NAV3: variants seen among roughly 807,000 people sequenced by gnomAD.
NAV3 encodes the protein pore membrane and/or filament interacting like protein 1.
In NAV3, 87 loss-of-function variants were observed where a neutral mutation model predicts 244.7. The observed-to-expected ratio is 0.36, with a 90% CI of 0.30 to 0.42. The LOEUF (loss-of-function observed/expected upper bound fraction) is 0.42. Among genes scored for constraint, NAV3 ranks in the 20% least tolerant of loss-of-function variants. The probability of loss-of-function intolerance (pLI) is 1.00; values close to 1 mark genes in which losing one functional copy is unlikely to be tolerated. For synonymous variants in NAV3, 1,126 were observed against 1,042.2 expected, an observed-to-expected ratio of 1.08 and a Z score of -1.55; for missense variants, 2,663 against 2,893.3, an observed-to-expected ratio of 0.92 and a Z score of 1.83.
chr12:78,155,255 T>C (rs943003358), intron 22 of NAV3, among the ~76,000 whole-genome samples: 1 of 152,122 alleles, frequency 6.6e-6, no homozygotes, highest in Admixed American at 6.6e-5. Context: ...CTCCCACTTA[T>C]AAGTGAGAAG....
intron 2 of NAV3, among the ~76,000 whole-genome samples, chr12:77,573,505 T>C (rs933712377): frequency 6.6e-6 from 1 of 152,224 alleles, no homozygotes; most frequent in Non-Finnish European, 1.5e-5. Flanking sequence ...TATAAATTTC[T>C]ACACAAATAC....
At chr12:77,805,957 G>A (rs1871957199) in intron 2 of NAV3, among the ~76,000 whole-genome samples, 1 of 152,112 alleles carries the variant, frequency 6.6e-6, no homozygotes, top group Non-Finnish European at 1.5e-5. Context: ...TTTGTGTAGA[G>A]GTTTTTATTG....
chr12:77,764,827 C>T (rs1869658044), intron 2 of NAV3, among the ~76,000 whole-genome samples: 1 of 152,156 alleles, frequency 6.6e-6, no homozygotes, highest in African/African-American at 2.4e-5. Flanking sequence ...GTGACATTTG[C>T]GACAGCAAGT....
intron 5 of NAV3, among the ~76,000 whole-genome samples, chr12:77,973,625 G>C (rs1313098043): frequency 6.6e-6 from 1 of 152,092 alleles, no homozygotes; most frequent in African/African-American, 2.4e-5. Context: ...TTACCATAGA[G>C]GACATTTGCC....
rs145541598 is a variant in NAV3 at position 78,177,648 on chromosome 12, C to T, written c.5326C>T (p.Arg1776Ter). ...ASPLVWPPKK[R>*]QNGPVIYKHR... ...ACCCCTTGTCTGGCCACCAAAGAAA[C>T]GACAAAATGGCCCTGTGATCTACAA... Residue 1776 changes from arginine (R) to a stop codon, truncating the protein, a stop_gained, in exon 28 of 40, where the codon CGA becomes TGA. Coordinates refer to ENST00000397909, the MANE Select transcript of NAV3 (RefSeq NM_001024383.2). LOFTEE classifies it high-confidence loss of function. 46 of 1,597,274 alleles carry T rather than the reference C, an allele frequency of 2.9e-5. No homozygotes were observed. The East Asian group carries it at 2.9e-4, about 10-fold the overall frequency.
At chr12:78,166,400 A>G (rs1475483910) in intron 23 of NAV3, among the ~76,000 whole-genome samples, 3 of 149,882 alleles carry the variant, frequency 2.0e-5, no homozygotes, top group African/African-American at 4.9e-5. Context: ...GATTATGTCA[A>G]TCAATGTAGA....
chr12:77,896,848 A>T (rs1474335103), intron 1 of NAV3, among the ~76,000 whole-genome samples: 1 of 152,170 alleles, frequency 6.6e-6, no homozygotes, highest in Non-Finnish European at 1.5e-5. Context: ...TGCTTTTTCC[A>T]TGTAGACTTT....
chr12:78,075,801 A>G (rs1953018315), intron 12 of NAV3, among the ~76,000 whole-genome samples: 1 of 152,192 alleles, frequency 6.6e-6, no homozygotes, highest in Non-Finnish European at 1.5e-5. Context: ...CCATTGATCT[A>G]TTAATTATTT....
At chr12:77,585,700 G>T (rs1413403465) in intron 2 of NAV3, among the ~76,000 whole-genome samples, 1 of 152,232 alleles carries the variant, frequency 6.6e-6, no homozygotes, top group African/African-American at 2.4e-5. Context: ...AGGTGATCGG[G>T]CAGTAATGCT....
intron 1 of NAV3, among the ~76,000 whole-genome samples, chr12:77,905,109 T>G (rs1885824493): frequency 6.6e-6 from 1 of 152,150 alleles, no homozygotes; most frequent in African/African-American, 2.4e-5. Context: ...TCATTGAAAG[T>G]TCACCTTTTG....
intron 1 of NAV3, among the ~76,000 whole-genome samples, chr12:77,883,905 C>T (rs1210072764): frequency 6.6e-6 from 1 of 152,054 alleles, no homozygotes; most frequent in Non-Finnish European, 1.5e-5. Context: ...ATTTTCCTGA[C>T]ATTATTTTAT....
chr12:77,695,889 C>T (rs1875273511), intron 2 of NAV3, among the ~76,000 whole-genome samples: 2 of 151,912 alleles, frequency 1.3e-5, no homozygotes. Flanking sequence ...TCACCATGGC[C>T]CATATTTTCT....
At chr12:78,202,624 G>A (rs1294314922) in intron 38 of NAV3, among the ~76,000 whole-genome samples, 1 of 151,996 alleles carries the variant, frequency 6.6e-6, no homozygotes, top group African/African-American at 2.4e-5. Flanking sequence ...TTTTTGAAGA[G>A]GGATAAAAAT....
At chr12:77,999,660 C>CAA (rs1268213003) in intron 7 of NAV3, among the ~76,000 whole-genome samples, 2 of 151,782 alleles carry the variant, frequency 1.3e-5, no homozygotes, top group Non-Finnish European at 2.9e-5. Flanking sequence ...AAATGAAAAA[C>CAA]AAAAGTGTAT....
At chr12:77,733,487 G>A (rs1877208193) in intron 2 of NAV3, among the ~76,000 whole-genome samples, 2 of 151,874 alleles carry the variant, frequency 1.3e-5, no homozygotes, top group South Asian at 4.1e-4. Context: ...TCTGGCTTTG[G>A]GTTTCACCAT....
intron 1 of NAV3, among the ~76,000 whole-genome samples, chr12:77,927,613 C>T (rs1428943755): frequency 6.6e-6 from 1 of 152,152 alleles, no homozygotes; most frequent in Non-Finnish European, 1.5e-5. Flanking sequence ...TATTAGTAGA[C>T]ACTACATCTT....
At chr12:77,721,549 G>A (rs1290012571) in intron 2 of NAV3, among the ~76,000 whole-genome samples, 1 of 152,118 alleles carries the variant, frequency 6.6e-6, no homozygotes, top group Non-Finnish European at 1.5e-5. Context: ...ATTAGTTCTA[G>A]ATATTTGGTA....
chr12:78,007,102 C>T lies in NAV3; in HGVS notation c.1564C>T (p.Pro522Ser), dbSNP rs2136586563. 1 of 1,614,132 alleles carries T rather than the reference C, an allele frequency of 6.2e-7. No individual in the cohort carries two copies. Among genetic ancestry groups the T allele is most frequent in the Non-Finnish European group, 8.5e-7 (1 of 1,180,018 alleles). ...TTAAKKESLI[P>S]SSSGIPKPGS... is the part of the protein sequence containing the mutation. ...AGCAGCTAAGAAGGAAAGCTTAATT[C>T]CGTCTTCCAGTGGTATTCCAAAACC... The change falls in exon 8 of 40, where the codon CCG (proline) becomes TCG (serine). Residue 522 changes from proline to serine, a missense_variant. Physicochemically the swap from Pro to Ser is moderately conservative, Grantham distance 74. Transcript: ENST00000397909.
intron 2 of NAV3, among the ~76,000 whole-genome samples, chr12:77,638,267 C>T (rs922853221): frequency 6.6e-6 from 1 of 152,158 alleles, no homozygotes; most frequent in Non-Finnish European, 1.5e-5. Context: ...GAATGGTTAC[C>T]CCTGCTTTGA....
Sources: gnomAD v4.1 joint callset for allele counts (sites outside exome capture counted in the v4.1 genomes callset) on GRCh38, gnomAD v4.1.1 for gene constraint, MANE v1.5 for transcripts, NCBI Gene and HGNC (gene_info 2026-07-23, HGNC 2026-07-21) for gene names.